The following PRELID2 variants were observed in gnomAD, a reference collection of about 807,000 sequenced individuals.
PRELID2 encodes PRELI domain containing 2.
In PRELID2, 25 loss-of-function variants were observed where a neutral mutation model predicts 28.4. The observed-to-expected ratio is 0.88, with a 90% CI of 0.64 to 1.23. The LOEUF (loss-of-function observed/expected upper bound fraction) is 1.23, where lower values mean the gene tolerates loss of function less well. PRELID2 is among the 50% of genes most tolerant of loss of function. The probability of loss-of-function intolerance (pLI) is 0.00; values close to 1 mark genes in which losing one functional copy is unlikely to be tolerated. For missense variants in PRELID2, 201 were observed against 214.4 expected (o/e 0.94, Z 0.39); for synonymous variants, 76 against 71.6 (o/e 1.06, Z -0.31).
chr5:145,735,241 T>C (rs1481119258), intron 1 of PRELID2, among the ~76,000 whole-genome samples: 2 of 125,126 alleles, frequency 1.6e-5, no homozygotes, highest in Admixed American at 8.2e-5. Flanking sequence ...TGAGTCTCCA[T>C]CTCAAAAAAA....
chr5:145,423,787 G>A, the PRELID2 span, among the ~76,000 whole-genome samples: 15 of 129,400 alleles, frequency 1.2e-4, no homozygotes, highest in Admixed American at 4.2e-4. Flanking sequence ...GAGGAACTGC[G>A]TTCCTTTGGA....
At chr5:145,331,824 G>A in the PRELID2 span, among the ~76,000 whole-genome samples, 1 of 152,070 alleles carries the variant, frequency 6.6e-6, no homozygotes, top group Non-Finnish European at 1.5e-5. Flanking sequence ...GATGCTAGCT[G>A]GTTATTTTCC....
chr5:145,547,066 A>G (rs1188904891), intron 1 of PRELID2, among the ~76,000 whole-genome samples: 1 of 152,226 alleles, frequency 6.6e-6, no homozygotes, highest in East Asian at 1.9e-4. Flanking sequence ...ACTTGGTATT[A>G]TATGTATACC....
the PRELID2 span, among the ~76,000 whole-genome samples, chr5:145,434,962 T>C: frequency 2.0e-5 from 3 of 152,216 alleles, no homozygotes; most frequent in Non-Finnish European, 2.9e-5. Context: ...ATTATTTTAC[T>C]GCTAAGAGTC....
the PRELID2 span, chr5:145,229,012 A>C: frequency 6.2e-6 from 10 of 1,602,236 alleles, no homozygotes; most frequent in Non-Finnish European, 8.5e-6. Flanking sequence ...GTCAGCAGGG[A>C]GTTTGTGGAG....
chr5:145,636,886 GA>G, intron 1 of PRELID2, among the ~76,000 whole-genome samples: 1 of 152,258 alleles, frequency 6.6e-6, no homozygotes, highest in East Asian at 1.9e-4. Context: ...AATTCCTCTG[GA>G]GGTGAGATAA....
chr5:145,571,267 C>T lies in PRELID2; in HGVS notation n.71-97952G>A, dbSNP rs1753012780. On this transcript the variant is annotated intron_variant and non_coding_transcript_variant, in intron 1 of 2. Transcript: ENST00000510259. Reference sequence around the variant, plus strand: ...TAAGCCCTGCAACTGTCAGAATGGGCACTTCCTCTTGGCCAAGGGCATTCC... The same window carrying T: ...TAAGCCCTGCAACTGTCAGAATGGGTACTTCCTCTTGGCCAAGGGCATTCC... 2.0e-5 allele frequency among the ~76,000 whole-genome samples: 3 copies of T among 152,168 alleles called. No individual in the cohort carries two copies. The South Asian group carries it at 6.2e-4, about 32-fold the overall frequency.
At chr5:145,374,629 G>A in the PRELID2 span, among the ~76,000 whole-genome samples, 1 of 152,062 alleles carries the variant, frequency 6.6e-6, no homozygotes, top group Non-Finnish European at 1.5e-5. Flanking sequence ...GTCAATCACA[G>A]CTTTGGTCTT....
intron 1 of PRELID2, among the ~76,000 whole-genome samples, chr5:145,685,335 G>A (rs764269426): frequency 7.2e-5 from 11 of 152,080 alleles, no homozygotes; most frequent in African/African-American, 1.2e-4. Flanking sequence ...AACAACTTTC[G>A]GTTTCTCTGA....
chr5:145,559,848 AAAAGAAG>A (rs745467877), intron 1 of PRELID2, among the ~76,000 whole-genome samples: 1 of 150,454 alleles, frequency 6.6e-6, no homozygotes, highest in Non-Finnish European at 1.5e-5. Flanking sequence ...AAAAAAAAAA[AAAAGAAG>A]AAGAAGAAGA....
At chr5:145,809,035 G>T (rs75454279) in intron 4 of PRELID2, among the ~76,000 whole-genome samples, 75 of 128,466 alleles carry the variant, frequency 5.8e-4, no homozygotes, top group East Asian at 1.4e-3. Context: ...CTTTTTTTTT[G>T]CTTTTTTTTT....
At chr5:145,616,897 A>G (rs1017946434) in intron 1 of PRELID2, among the ~76,000 whole-genome samples, 1 of 152,090 alleles carries the variant, frequency 6.6e-6, no homozygotes. Context: ...GGCTTATTTC[A>G]TCCCTACAGC....
At chr5:145,275,845 G>A in the PRELID2 span, among the ~76,000 whole-genome samples, 1 of 152,028 alleles carries the variant, frequency 6.6e-6, no homozygotes, top group African/African-American at 2.4e-5. Context: ...TGTGACTTTT[G>A]GTGAGTTACT....
the PRELID2 span, among the ~76,000 whole-genome samples, chr5:145,252,254 A>C: frequency 1.4e-4 from 22 of 152,196 alleles, no homozygotes; most frequent in Middle Eastern, 0.014. Flanking sequence ...AAGTCCAAAA[A>C]ACATCGTCTA....
chr5:145,317,999 T>A, the PRELID2 span, among the ~76,000 whole-genome samples: 1 of 152,212 alleles, frequency 6.6e-6, no homozygotes, highest in Non-Finnish European at 1.5e-5. Context: ...GGTACTATTA[T>A]GAAGACTGGA....
the PRELID2 span, among the ~76,000 whole-genome samples, chr5:145,397,596 C>T: frequency 6.6e-6 from 1 of 152,206 alleles, no homozygotes; most frequent in Non-Finnish European, 1.5e-5. Flanking sequence ...CAAAATGCAT[C>T]ATTCTGCTCT....
intron 5 of PRELID2, among the ~76,000 whole-genome samples, chr5:145,782,096 A>G (rs1751675164): frequency 6.6e-6 from 1 of 152,156 alleles, no homozygotes; most frequent in Admixed American, 6.5e-5. Context: ...AACACTAAGA[A>G]AGCAAGTCTC....
At chr5:145,713,350 T>TTATATATAGATATATATATATATATA (rs1755747290) in intron 1 of PRELID2, among the ~76,000 whole-genome samples, 1 of 124,714 alleles carries the variant, frequency 8.0e-6, no homozygotes, top group African/African-American at 3.1e-5. Context: ...ATATCTGACT[T>TTATATATAGATATATATATATATATA]TATATATATA....
At chr5:145,354,496 C>G in the PRELID2 span, among the ~76,000 whole-genome samples, 3 of 152,146 alleles carry the variant, frequency 2.0e-5, no homozygotes, top group South Asian at 6.2e-4. Flanking sequence ...TGCTAGTTTA[C>G]TGATTCCTCT....
Sources: gnomAD v4.1 joint callset for allele counts (sites outside exome capture counted in the v4.1 genomes callset) on GRCh38, gnomAD v4.1.1 for gene constraint, MANE v1.5 for transcripts, NCBI Gene and HGNC (gene_info 2026-07-23, HGNC 2026-07-21) for gene names.